The following GRIK2 variants were observed in gnomAD, a reference collection of about 807,000 sequenced individuals.
GRIK2 encodes glutamate receptor ionotropic, kainate 2.
GRIK2 carries 32 observed loss-of-function variants against 100.3 expected under a neutral mutation model. The ratio of observed to expected loss-of-function variants is 0.32; its 90% CI spans 0.24 to 0.43. The LOEUF is 0.43. Ranked by LOEUF, GRIK2 falls within the 20% of genes least tolerant of loss-of-function variation. The pLI is 1.00. For synonymous variants in GRIK2, 417 were observed against 389.4 expected (o/e 1.07, Z -0.83); for missense variants, 843 against 1,114.9 (o/e 0.76, Z 3.47).
chr6:101,636,448 A>G (rs1781017057), intron 4 of GRIK2, among the ~76,000 whole-genome samples: 1 of 152,088 alleles, frequency 6.6e-6, no homozygotes, highest in Admixed American at 6.6e-5. Context: ...ATGTATACCT[A>G]CGTAACATAC....
At chr6:101,536,754 G>A (rs773981514) in intron 2 of GRIK2, among the ~76,000 whole-genome samples, 1 of 151,474 alleles carries the variant, frequency 6.6e-6, no homozygotes, top group Non-Finnish European at 1.5e-5. Context: ...TATTGATATG[G>A]TTATCAAAAT....
chr6:101,944,061 C>G (rs1791122818), intron 14 of GRIK2, among the ~76,000 whole-genome samples: 1 of 151,952 alleles, frequency 6.6e-6, no homozygotes, highest in Non-Finnish European at 1.5e-5. Context: ...CACCGTCCTC[C>G]CAATGCTGTC....
intron 2 of GRIK2, among the ~76,000 whole-genome samples, chr6:101,436,287 T>C (rs1386639857): frequency 1.3e-5 from 2 of 152,140 alleles, no homozygotes; most frequent in Non-Finnish European, 2.9e-5. Context: ...CAGAGGTTCA[T>C]GTATATTTTA....
At chr6:101,604,469 A>G (rs930422321) in intron 2 of GRIK2, among the ~76,000 whole-genome samples, 2 of 152,006 alleles carry the variant, frequency 1.3e-5, no homozygotes, top group African/African-American at 4.8e-5. Context: ...GAACAAGGCA[A>G]GACGATCTAT....
intron 7 of GRIK2, among the ~76,000 whole-genome samples, chr6:101,776,264 T>C (rs1421393553): frequency 2.6e-5 from 4 of 152,156 alleles, no homozygotes; most frequent in Non-Finnish European, 5.9e-5. Flanking sequence ...ACACAGTCAA[T>C]GGCCTAAGAA....
chr6:101,415,345 C>A (rs1776081634), intron 2 of GRIK2, among the ~76,000 whole-genome samples: 1 of 145,088 alleles, frequency 6.9e-6, no homozygotes, highest in African/African-American at 2.5e-5. Context: ...ATTTTTCTGT[C>A]GTCAAGTATT....
intron 2 of GRIK2, among the ~76,000 whole-genome samples, chr6:101,421,192 G>C (rs1776395767): frequency 6.6e-6 from 1 of 152,218 alleles, no homozygotes; most frequent in South Asian, 2.1e-4. Context: ...TGGCCAAGTA[G>C]ATACTGATCT....
intron 2 of GRIK2, among the ~76,000 whole-genome samples, chr6:101,592,433 G>A (rs1347895418): frequency 6.6e-6 from 1 of 150,876 alleles, no homozygotes; most frequent in African/African-American, 2.4e-5. Flanking sequence ...GTTATTAGAT[G>A]TGAGTTACCT....
chr6:101,740,641 A>C (rs6907180), intron 7 of GRIK2, among the ~76,000 whole-genome samples: 2,817 of 152,296 alleles, frequency 0.018, 81 homozygotes, highest in African/African-American at 0.063. Flanking sequence ...TTATAAAGAA[A>C]AGAGGCTTCT....
At chr6:101,471,325 G>T (rs78403139) in intron 2 of GRIK2, among the ~76,000 whole-genome samples, 15,541 of 151,880 alleles carry the variant, frequency 0.1, 845 homozygotes, top group African/African-American at 0.12. Flanking sequence ...AAATGCTATT[G>T]GGTCAATAAT....
At chr6:101,747,407 A>G (rs994617579) in intron 7 of GRIK2, among the ~76,000 whole-genome samples, 1 of 152,214 alleles carries the variant, frequency 6.6e-6, no homozygotes, top group Non-Finnish European at 1.5e-5. Context: ...CAGAAAGGCA[A>G]TGGCTTTTCT....
chr6:101,969,494 A>G (rs1277421010), intron 14 of GRIK2, among the ~76,000 whole-genome samples: 1 of 152,050 alleles, frequency 6.6e-6, no homozygotes. Flanking sequence ...AATATGAACA[A>G]TGACCTCAAA....
intron 1 of GRIK2, among the ~76,000 whole-genome samples, chr6:101,396,451 A>C (rs1317735569): frequency 6.6e-6 from 1 of 152,126 alleles, no homozygotes; most frequent in Non-Finnish European, 1.5e-5. Context: ...TTGTACTGAC[A>C]ATCAAGTAGT....
chr6:102,000,322 T>A (rs1562100308), intron 14 of GRIK2, among the ~76,000 whole-genome samples: 1 of 149,458 alleles, frequency 6.7e-6, no homozygotes, highest in Non-Finnish European at 1.5e-5. Context: ...GCAGGTCTGT[T>A]ACATGGAAAT....
chr6:101,397,283 G>C (rs558657973), intron 1 of GRIK2, among the ~76,000 whole-genome samples: 1 of 152,144 alleles, frequency 6.6e-6, no homozygotes, highest in African/African-American at 2.4e-5. Flanking sequence ...TCTCTGCTAG[G>C]ATCAAAAAGA....
intron 14 of GRIK2, among the ~76,000 whole-genome samples, chr6:102,006,202 C>T (rs773343994): frequency 3.3e-5 from 5 of 151,540 alleles, no homozygotes; most frequent in Non-Finnish European, 7.4e-5. Context: ...AAAAATATAA[C>T]ATTGTGTAAT....
intron 2 of GRIK2, among the ~76,000 whole-genome samples, chr6:101,434,356 C>G (rs1362843207): frequency 6.6e-6 from 1 of 152,128 alleles, no homozygotes; most frequent in African/African-American, 2.4e-5. Context: ...CAGGCAAACT[C>G]GAAATAGTGG....
At chr6:101,775,644 C>T (rs1778697358) in intron 7 of GRIK2, among the ~76,000 whole-genome samples, 1 of 151,342 alleles carries the variant, frequency 6.6e-6, no homozygotes, top group Admixed American at 6.6e-5. Context: ...TACTCACATT[C>T]CCCGCCCCGG....
intron 2 of GRIK2, among the ~76,000 whole-genome samples, chr6:101,584,043 A>G (rs1778229892): frequency 6.6e-6 from 1 of 152,090 alleles, no homozygotes; most frequent in African/African-American, 2.4e-5. Flanking sequence ...TGTCATGTGC[A>G]TAAATACAAA....
Sources: gnomAD v4.1 joint callset for allele counts (sites outside exome capture counted in the v4.1 genomes callset) on GRCh38, gnomAD v4.1.1 for gene constraint, MANE v1.5 for transcripts, NCBI Gene and HGNC (gene_info 2026-07-23, HGNC 2026-07-21) for gene names.